The following AOAH variants were observed in gnomAD, a reference collection of about 807,000 sequenced individuals.
AOAH encodes the protein acyloxyacyl hydrolase, also known as acyloxyacyl hydrolase (neutrophil).
AOAH carries 64 observed loss-of-function variants against 92.2 expected under a neutral mutation model. That is an observed-to-expected ratio of 0.69 (90% confidence interval 0.57 to 0.86). The LOEUF is 0.86. AOAH is among the 40% of genes least tolerant of loss of function. The probability of loss-of-function intolerance (pLI) is 0.00; values close to 1 mark genes in which losing one functional copy is unlikely to be tolerated. For missense variants in AOAH, 656 were observed against 694.6 expected, an observed-to-expected ratio of 0.94 and a Z score of 0.62; for synonymous variants, 263 against 254.5, an observed-to-expected ratio of 1.03 and a Z score of -0.32.
intron 13 of AOAH, among the ~76,000 whole-genome samples, chr7:36,571,551 A>C (rs1003502499): frequency 2.1e-4 from 32 of 151,502 alleles, no homozygotes; most frequent in African/African-American, 7.5e-4. Context: ...TCCTGAGCCC[A>C]CTCCCCAGGC....
intron 3 of AOAH, 85 bp downstream of exon 3, chr7:36,673,858 A>G: frequency 1.1e-6 from 1 of 926,672 alleles, no homozygotes. Flanking sequence ...CATCATGCTG[A>G]ACACAGAGCC....
chr7:36,720,139 G>T (rs1799522196), intron 1 of AOAH, among the ~76,000 whole-genome samples: 1 of 146,554 alleles, frequency 6.8e-6, no homozygotes, highest in South Asian at 2.1e-4. Flanking sequence ...GAATTCTAAA[G>T]TTTTTTTTTT....
intron 2 of AOAH, among the ~76,000 whole-genome samples, chr7:36,675,110 G>T (rs148670701): frequency 0.016 from 2,387 of 152,252 alleles, 59 homozygotes; most frequent in African/African-American, 0.054. Flanking sequence ...CAAAAAATTA[G>T]CTGGGTGTAG....
Position 36,609,215 on chromosome 7 carries a change from C to A in AOAH, c.846+7165G>T, listed in dbSNP as rs115738892. On this transcript the variant is annotated intron_variant, in intron 11 of 20. Transcript: ENST00000617537. The stretch of plus-strand genomic sequence containing the variant: ...TGAGTTTGTTCATCTTGTTTCTTCC[C>A]CACTGTACTTTTCTAGCTTAGCACA... 2.8e-3 allele frequency among the ~76,000 whole-genome samples: 425 copies of A among 152,246 alleles called. 4 individuals are homozygous for A. The highest frequency in any genetic ancestry group is 8.8e-3 in the African/African-American group (364 of 41,540).
intron 11 of AOAH, among the ~76,000 whole-genome samples, chr7:36,595,260 G>T (rs1276360715): frequency 6.6e-6 from 1 of 152,240 alleles, no homozygotes; most frequent in South Asian, 2.1e-4. Flanking sequence ...CCAGCCAGGT[G>T]CTGTGGCTTG....
chr7:36,569,038 C>G (rs1787908984), intron 13 of AOAH, among the ~76,000 whole-genome samples: 1 of 152,070 alleles, frequency 6.6e-6, no homozygotes, highest in Admixed American at 6.6e-5. Flanking sequence ...TTAAAATTCT[C>G]AATTATTTTT....
chr7:36,573,566 A>T (rs1788283006), intron 13 of AOAH, among the ~76,000 whole-genome samples: 1 of 152,102 alleles, frequency 6.6e-6, no homozygotes, highest in Admixed American at 6.6e-5. Flanking sequence ...AAAAATACAA[A>T]AAATAGCTGA....
At chr7:36,655,120 C>T (rs1419478405) in intron 4 of AOAH, among the ~76,000 whole-genome samples, 2 of 152,202 alleles carry the variant, frequency 1.3e-5, no homozygotes, top group African/African-American at 4.8e-5. Context: ...TGCCCACCCC[C>T]ATGTGCTTGC....
intron 6 of AOAH, among the ~76,000 whole-genome samples, 192 bp downstream of exon 6, chr7:36,631,844 A>C (rs771415444): frequency 6.6e-6 from 1 of 152,194 alleles, no homozygotes; most frequent in East Asian, 1.9e-4. Flanking sequence ...GCTGGCATTC[A>C]GTATATTTCC....
At chr7:36,661,408 G>C (rs1199056100) in intron 3 of AOAH, 1 of 152,206 alleles carries the variant, frequency 6.6e-6, no homozygotes. Flanking sequence ...AGAACCCAGA[G>C]GACGTGCAGT....
At chr7:36,677,742 C>A (rs865955734) in intron 2 of AOAH, among the ~76,000 whole-genome samples, 1 of 152,134 alleles carries the variant, frequency 6.6e-6, no homozygotes, top group African/African-American at 2.4e-5. Context: ...ACGTGGTATA[C>A]CTATACGATG....
At chr7:36,557,501 C>T (rs919725641) in intron 13 of AOAH, among the ~76,000 whole-genome samples, 7 of 152,024 alleles carry the variant, frequency 4.6e-5, no homozygotes, top group African/African-American at 1.2e-4. Context: ...TTGTGGTGTT[C>T]TCTGTATTTC....
At chr7:36,568,848 C>T (rs1238075956) in intron 13 of AOAH, among the ~76,000 whole-genome samples, 1 of 152,186 alleles carries the variant, frequency 6.6e-6, no homozygotes, top group African/African-American at 2.4e-5. Flanking sequence ...GCCAGATTCT[C>T]TCCCATTTTG....
At chr7:36,554,617 C>A (rs2116386168) in intron 13 of AOAH, among the ~76,000 whole-genome samples, 1 of 152,278 alleles carries the variant, frequency 6.6e-6, no homozygotes, top group East Asian at 1.9e-4. Flanking sequence ...TACCCATGAG[C>A]ATGGAATGTT....
chr7:36,574,603 C>T lies in AOAH; in HGVS notation c.1021+1971G>A, dbSNP rs116246894. On this transcript the variant is annotated intron_variant, in intron 13 of 20. Transcript: ENST00000617537. ...GTCACAAGTAACAAAGAGCAGCCTG[C>T]AGCCTGCATTTCTGGCAGAATCCTA... is the stretch of plus-strand genomic sequence containing the variant. Among the ~76,000 whole-genome samples, 1,096 of 152,318 alleles carry T rather than the reference C, an allele frequency of 7.2e-3. 11 individuals are homozygous for T. Among genetic ancestry groups the T allele is most frequent in the African/African-American group, 0.025 (1,043 of 41,552 alleles).
Position 36,549,471 on chromosome 7 carries a change from T to G in AOAH, c.1026A>C (p.Ala342=). The G allele has an allele frequency of 6.3e-7, 1 of 1,588,560 alleles. No homozygotes were observed. The highest frequency in any genetic ancestry group is 1.1e-5 in the South Asian group (1 of 89,248). Residue 342 remains alanine (A), a synonymous_variant, in exon 14 of 21, where the codon GCA becomes GCC. Transcript: ENST00000617537. The part of the protein sequence containing the change: ...RDYQNISRNG[A]SSRNLKKFIE... ...TAAATTTCTTCAGGTTTCGGGAAGATGCACCTGAATAATTAAAATTAAGAA... is the reference window on the plus strand; with the variant it reads ...TAAATTTCTTCAGGTTTCGGGAAGAGGCACCTGAATAATTAAAATTAAGAA...
In AOAH at chr7:36,512,951, A is replaced by G; in HGVS notation, c.*301T>C. ...CATCGCTGGACTTAAGTGTTTTTAGAAACTCCTTTTAGAACAATTAGCTGT... is the reference window on the plus strand; with the variant it reads ...CATCGCTGGACTTAAGTGTTTTTAGGAACTCCTTTTAGAACAATTAGCTGT... On this transcript the variant is annotated 3_prime_UTR_variant, in exon 21 of 21. Transcript: ENST00000617537. 1 of 1,216,256 alleles carries G rather than the reference A, an allele frequency of 8.2e-7. No individual in the cohort carries two copies. Among genetic ancestry groups the G allele is most frequent in the Non-Finnish European group, 1.1e-6 (1 of 883,792 alleles). The allele number at this position is 1,216,256 out of a possible 1,614,324, so 75.3% of individuals were successfully genotyped here. A position where few individuals can be genotyped will look rare whatever the true frequency, so the allele number is the denominator to read the frequency against.
chr7:36,627,225 G>A (rs768885630), intron 6 of AOAH, among the ~76,000 whole-genome samples: 1 of 152,142 alleles, frequency 6.6e-6, no homozygotes, highest in Non-Finnish European at 1.5e-5. Flanking sequence ...CTGTAAGCGG[G>A]TTGTGCATGT....
intron 12 of AOAH, among the ~76,000 whole-genome samples, chr7:36,576,864 G>A (rs949358204): frequency 1.3e-5 from 2 of 152,158 alleles, no homozygotes; most frequent in African/African-American, 4.8e-5. Flanking sequence ...TTGTATGGGT[G>A]TCGTAAGAAT....
Sources: gnomAD v4.1 joint callset for allele counts (sites outside exome capture counted in the v4.1 genomes callset) on GRCh38, gnomAD v4.1.1 for gene constraint, MANE v1.5 for transcripts, NCBI Gene and HGNC (gene_info 2026-07-23, HGNC 2026-07-21) for gene names.